HDX: variants seen among roughly 807,000 people sequenced by gnomAD.
HDX encodes the protein highly divergent homeobox.
A neutral mutation model predicts 45.2 loss-of-function variants in HDX; 19 were observed. That is an observed-to-expected ratio of 0.42 (90% CI 0.29 to 0.62). The LOEUF (loss-of-function observed/expected upper bound fraction) is 0.62. HDX is among the 20% of genes least tolerant of loss of function. The pLI is 0.20. For synonymous variants in HDX, 188 were observed against 172.8 expected (o/e 1.09, Z -0.69); for missense variants, 532 against 493.9 (o/e 1.08, Z -0.73).
intron 6 of HDX, 48 bp from the exon 7 acceptor site, chrX:84,344,505 A>G (rs777049428): frequency 1.1e-6 from 1 of 872,490 alleles, no homozygotes; most frequent in Admixed American, 2.3e-5. Context: ...TAGAAAACTT[A>G]GCAGTTCTAG....
At chrX:84,374,608 A>T (rs1169276938) in intron 5 of HDX, among the ~76,000 whole-genome samples, 1 of 100,309 alleles carries the variant, frequency 1.0e-5, no homozygotes, top group African/African-American at 3.8e-5. Context: ...CAACTATCTG[A>T]TCTTTGACTA....
intron 2 of HDX, among the ~76,000 whole-genome samples, chrX:84,482,156 C>A (rs943056417): frequency 9.0e-6 from 1 of 111,389 alleles, no homozygotes; most frequent in Non-Finnish European, 1.9e-5. Flanking sequence ...TTTGTTATTA[C>A]GAATAGAGCT....
chrX:84,394,969 G>A (rs1050657290), intron 5 of HDX, among the ~76,000 whole-genome samples: 2 of 110,831 alleles, frequency 1.8e-5, no homozygotes, highest in Admixed American at 9.6e-5. Flanking sequence ...TCTTTTAAGT[G>A]GATAGATAAA....
chrX:84,369,867 T>C (rs2037851350), intron 5 of HDX, among the ~76,000 whole-genome samples: 1 of 112,342 alleles, frequency 8.9e-6, no homozygotes, highest in South Asian at 3.6e-4. Flanking sequence ...ATAAGAAAGT[T>C]ATCTTTTACA....
chrX:84,472,487 G>T (rs2040471639), intron 3 of HDX, among the ~76,000 whole-genome samples: 1 of 110,794 alleles, frequency 9.0e-6, no homozygotes, highest in East Asian at 2.8e-4. Flanking sequence ...AAAATAGGAG[G>T]GATATTAGTG....
intron 5 of HDX, among the ~76,000 whole-genome samples, chrX:84,397,584 C>G (rs182478324): frequency 9.0e-6 from 1 of 111,343 alleles, no homozygotes; most frequent in Non-Finnish European, 1.9e-5. Flanking sequence ...CCAGGCAGAA[C>G]CCAGCTGAGG....
chrX:84,367,205 T>C (rs969450958), intron 5 of HDX, among the ~76,000 whole-genome samples: 2 of 112,016 alleles, frequency 1.8e-5, no homozygotes, highest in Admixed American at 9.4e-5. Context: ...AAATAAACAC[T>C]TCTCAAAGAA....
chrX:84,345,546 C>A (rs1255011089), intron 6 of HDX, among the ~76,000 whole-genome samples: 1 of 111,770 alleles, frequency 8.9e-6, no homozygotes, highest in East Asian at 2.8e-4. Flanking sequence ...CTGAAGGACA[C>A]TTGCATTGTT....
chrX:84,438,064 G>T, intron 5 of HDX, among the ~76,000 whole-genome samples: 1 of 110,971 alleles, frequency 9.0e-6, no homozygotes, highest in African/African-American at 3.3e-5. Flanking sequence ...TGGGGGATGG[G>T]GAATGAGCCT....
intron 1 of HDX, among the ~76,000 whole-genome samples, chrX:84,489,632 A>T (rs1236304050): frequency 8.9e-6 from 1 of 111,965 alleles, no homozygotes; most frequent in Non-Finnish European, 1.9e-5. Context: ...TATACAATGC[A>T]AGATAATCTG....
At chrX:84,411,186 T>G (rs1408897206) in intron 5 of HDX, among the ~76,000 whole-genome samples, 2 of 111,843 alleles carry the variant, frequency 1.8e-5, no homozygotes, top group Non-Finnish European at 1.9e-5. Context: ...TTTGGTTATT[T>G]CTTGACTTCT....
At chrX:84,405,666 G>A (rs767323149) in intron 5 of HDX, among the ~76,000 whole-genome samples, 1,112 of 88,117 alleles carry the variant, frequency 0.013, 23 homozygotes, top group African/African-American at 0.046. Flanking sequence ...ATATATATAT[G>A]TGTGTGTGTG....
At chrX:84,398,395 T>C (rs1190861148) in intron 5 of HDX, among the ~76,000 whole-genome samples, 1 of 110,063 alleles carries the variant, frequency 9.1e-6, no homozygotes, top group Non-Finnish European at 1.9e-5. Flanking sequence ...ACCAAGCAAA[T>C]GGAAAACAAA....
intron 2 of HDX, among the ~76,000 whole-genome samples, chrX:84,480,790 C>T (rs1409893898): frequency 9.1e-6 from 1 of 109,857 alleles, no homozygotes; most frequent in Admixed American, 9.7e-5. Context: ...ATTTTTTAGT[C>T]TATTTTTGTG....
chrX:84,344,246 G>A lies in HDX; in HGVS notation c.1660+4C>T, dbSNP rs748633252. On this transcript the variant is annotated splice_donor_region_variant and intron_variant, in intron 7 of 10. Coordinates refer to ENST00000373177, the MANE Select transcript of HDX (RefSeq NM_001177479.2). ...ATTATTAGAAGATTCAGCATATAAA[G>A]TACCTTGAGAGCTTCCTTCAGACAA... 4.2e-6 allele frequency: 5 copies of A among 1,178,026 alleles called. No homozygotes were observed. In the South Asian group the frequency reaches 7.2e-5, roughly 17 times the overall value.
chrX:84,398,695 C>G (rs750859936), intron 5 of HDX, among the ~76,000 whole-genome samples: 1 of 111,883 alleles, frequency 8.9e-6, no homozygotes, highest in East Asian at 2.8e-4. Flanking sequence ...AGGACGTGAA[C>G]TCAGTTCTGG....
chrX:84,465,814 T>C (rs1569359498), intron 4 of HDX, among the ~76,000 whole-genome samples: 1 of 111,267 alleles, frequency 9.0e-6, no homozygotes, highest in Non-Finnish European at 1.9e-5. Context: ...GAACTTAAAG[T>C]ATAATAATAA....
intron 6 of HDX, among the ~76,000 whole-genome samples, chrX:84,359,048 T>C (rs950151019): frequency 2.8e-5 from 3 of 107,712 alleles, no homozygotes; most frequent in Non-Finnish European, 5.8e-5. Flanking sequence ...GCAAATACTA[T>C]TAATTAAGGC....
intron 1 of HDX, among the ~76,000 whole-genome samples, chrX:84,494,420 T>C (rs910539340): frequency 6.2e-5 from 7 of 112,174 alleles, no homozygotes; most frequent in African/African-American, 1.9e-4. Context: ...ACTTTTAAAA[T>C]GTAGGTTGTA....
Sources: gnomAD v4.1 joint callset for allele counts (sites outside exome capture counted in the v4.1 genomes callset) on GRCh38, gnomAD v4.1.1 for gene constraint, MANE v1.5 for transcripts, NCBI Gene and HGNC (gene_info 2026-07-23, HGNC 2026-07-21) for gene names.